CHCHD6: variants seen among roughly 807,000 people sequenced by gnomAD.
CHCHD6 encodes the protein MICOS complex subunit MIC25.
CHCHD6 carries 28 observed loss-of-function variants against 32.3 expected under a neutral mutation model. The observed-to-expected ratio is 0.87, with a 90% CI of 0.64 to 1.19. The LOEUF (loss-of-function observed/expected upper bound fraction) is 1.19, where lower values mean the gene tolerates loss of function less well. Ranked by LOEUF, CHCHD6 falls within the 50% of genes most tolerant of loss-of-function variation. The pLI is 0.00. For synonymous variants in CHCHD6, 122 were observed against 117.5 expected, an observed-to-expected ratio of 1.04 and a Z score of -0.25; for missense variants, 333 against 307.0, an observed-to-expected ratio of 1.08 and a Z score of -0.63.
At chr3:126,933,903 C>A (rs1053982269) in intron 6 of CHCHD6, among the ~76,000 whole-genome samples, 2 of 152,168 alleles carry the variant, frequency 1.3e-5, no homozygotes, top group South Asian at 2.1e-4. Context: ...CAAAATACCC[C>A]CTTCTCCACA....
At chr3:126,772,936 C>T (rs940257328) in intron 4 of CHCHD6, among the ~76,000 whole-genome samples, 9 of 152,150 alleles carry the variant, frequency 5.9e-5, no homozygotes, top group African/African-American at 2.2e-4. Context: ...GTAATGAATT[C>T]CCTCAGCATT....
intron 4 of CHCHD6, among the ~76,000 whole-genome samples, chr3:126,828,484 G>A (rs969150356): frequency 6.6e-6 from 1 of 152,188 alleles, no homozygotes; most frequent in African/African-American, 2.4e-5. Context: ...GAGGCTCCCG[G>A]AACTGACGCA....
chr3:126,749,713 G>C (rs1056270078), intron 4 of CHCHD6, among the ~76,000 whole-genome samples: 5 of 152,214 alleles, frequency 3.3e-5, no homozygotes, highest in African/African-American at 1.2e-4. Context: ...GTGCGAAGGG[G>C]ACACGGGCCA....
chr3:126,865,017 CACCACT>C (rs1180020001), intron 5 of CHCHD6, among the ~76,000 whole-genome samples: 1 of 147,994 alleles, frequency 6.8e-6, no homozygotes, highest in African/African-American at 2.5e-5. Flanking sequence ...CCACCACCAC[CACCACT>C]ACCTCTACTA....
At chr3:126,849,697 TC>T (rs1941406268) in intron 4 of CHCHD6, among the ~76,000 whole-genome samples, 1 of 152,230 alleles carries the variant, frequency 6.6e-6, no homozygotes. Flanking sequence ...TGTCTTATGG[TC>T]TTCCCAGCAC....
At chr3:126,763,130 T>C (rs951841566) in intron 4 of CHCHD6, among the ~76,000 whole-genome samples, 1 of 152,196 alleles carries the variant, frequency 6.6e-6, no homozygotes, top group African/African-American at 2.4e-5. Flanking sequence ...AGTTGATTTT[T>C]CTAATGTAGT....
intron 4 of CHCHD6, among the ~76,000 whole-genome samples, chr3:126,826,156 T>C (rs1940383394): frequency 6.6e-6 from 1 of 152,238 alleles, no homozygotes. Flanking sequence ...ACTAAGATAT[T>C]CCAGAAGAGG....
chr3:126,734,430 A>G (rs1313209915), intron 4 of CHCHD6, among the ~76,000 whole-genome samples: 1 of 152,200 alleles, frequency 6.6e-6, no homozygotes, highest in African/African-American at 2.4e-5. Flanking sequence ...ACGATGTGAA[A>G]GCATCATTTG....
intron 4 of CHCHD6, among the ~76,000 whole-genome samples, chr3:126,769,246 A>T (rs1418192631): frequency 6.6e-6 from 1 of 152,204 alleles, no homozygotes; most frequent in Non-Finnish European, 1.5e-5. Context: ...GCATATAGCT[A>T]GCCAGTTATC....
At chr3:126,806,269 A>G (rs1410020505) in intron 4 of CHCHD6, among the ~76,000 whole-genome samples, 3 of 152,220 alleles carry the variant, frequency 2.0e-5, no homozygotes, top group African/African-American at 7.2e-5. Context: ...CAGACAACCT[A>G]AAAAATGGGA....
At chr3:126,719,928 T>C (rs1935201249) in intron 1 of CHCHD6, among the ~76,000 whole-genome samples, 1 of 152,062 alleles carries the variant, frequency 6.6e-6, no homozygotes, top group Non-Finnish European at 1.5e-5. Flanking sequence ...TTGCCCAGAC[T>C]GGAGTGCAAT....
At chr3:126,730,379 C>G (rs1935736174) in intron 2 of CHCHD6, among the ~76,000 whole-genome samples, 182 bp from the exon 3 acceptor site, 1 of 152,194 alleles carries the variant, frequency 6.6e-6, no homozygotes, top group Admixed American at 6.5e-5. Flanking sequence ...GCTTTCCAGA[C>G]AGCTTGAATC....
chr3:126,887,212 T>G (rs2077690502), intron 5 of CHCHD6, among the ~76,000 whole-genome samples: 1 of 152,028 alleles, frequency 6.6e-6, no homozygotes, highest in Non-Finnish European at 1.5e-5. Context: ...CTTGATTGAC[T>G]GTGTGACGTC....
chr3:126,735,744 A>G (rs924899589), intron 4 of CHCHD6, among the ~76,000 whole-genome samples: 1 of 152,168 alleles, frequency 6.6e-6, no homozygotes, highest in African/African-American at 2.4e-5. Context: ...GCCATCTCCT[A>G]CACTTTCAGG....
chr3:126,892,066 A>G (rs9853552), intron 5 of CHCHD6, among the ~76,000 whole-genome samples: 64,851 of 152,068 alleles, frequency 0.43, 15,156 homozygotes, highest in African/African-American at 0.63. Flanking sequence ...CACAGCCTTC[A>G]TGTTGCATGT....
chr3:126,853,329 T>C (rs1941544168), intron 5 of CHCHD6, among the ~76,000 whole-genome samples: 1 of 152,006 alleles, frequency 6.6e-6, no homozygotes. Flanking sequence ...TTGGTTTAAT[T>C]TGTGGATCAT....
intron 6 of CHCHD6, among the ~76,000 whole-genome samples, chr3:126,945,979 T>TGAC (rs2107605344): frequency 6.6e-6 from 1 of 151,970 alleles, no homozygotes; most frequent in African/African-American, 2.4e-5. Context: ...GCCAGTTGGG[T>TGAC]GACAGCTCCC....
chr3:126,866,553 G>C (rs1411657773), intron 5 of CHCHD6, among the ~76,000 whole-genome samples: 1 of 152,252 alleles, frequency 6.6e-6, no homozygotes, highest in Admixed American at 6.5e-5. Flanking sequence ...GGAGCAGTCA[G>C]AATTTGCTGC....
At chr3:126,846,481 A>G (rs1941299983) in intron 4 of CHCHD6, among the ~76,000 whole-genome samples, 1 of 152,216 alleles carries the variant, frequency 6.6e-6, no homozygotes, top group Admixed American at 6.5e-5. Context: ...ACAATATTTC[A>G]AAGGGATCCA....
Sources: gnomAD v4.1 joint callset for allele counts (sites outside exome capture counted in the v4.1 genomes callset) on GRCh38, gnomAD v4.1.1 for gene constraint, MANE v1.5 for transcripts, NCBI Gene and HGNC (gene_info 2026-07-23, HGNC 2026-07-21) for gene names.